DYNC2H1: variants seen among roughly 807,000 people sequenced by gnomAD.
The protein encoded by DYNC2H1 is dynein cytoplasmic 2 heavy chain 1.
A neutral mutation model predicts 570.0 loss-of-function variants in DYNC2H1; 410 were observed. The ratio of observed to expected loss-of-function variants is 0.72; its 90% CI spans 0.66 to 0.78. DYNC2H1 has a LOEUF of 0.78. Ranked by LOEUF, DYNC2H1 falls within the 30% of genes least tolerant of loss-of-function variation. The pLI is 0.00. For missense variants in DYNC2H1, 4,865 were observed against 5,046.4 expected (o/e 0.96, Z 1.09); for synonymous variants, 1,688 against 1,677.6 (o/e 1.01, Z -0.15).
intron 78 of DYNC2H1, among the ~76,000 whole-genome samples, chr11:103,309,575 C>T (rs1387573062): frequency 6.6e-6 from 1 of 151,418 alleles, no homozygotes; most frequent in Non-Finnish European, 1.5e-5. Context: ...AAAGGGTAAG[C>T]ATTAATCCAG....
At chr11:103,428,997 A>G (rs1180233747) in intron 84 of DYNC2H1, among the ~76,000 whole-genome samples, 1 of 152,114 alleles carries the variant, frequency 6.6e-6, no homozygotes, top group African/African-American at 2.4e-5. Flanking sequence ...GCAGTGGCTC[A>G]CGCCTGTAAT....
intron 71 of DYNC2H1, 166 bp from the exon 72 acceptor site, chr11:103,282,013 A>T: frequency 1.8e-6 from 1 of 543,848 alleles, no homozygotes; most frequent in South Asian, 2.7e-5. Flanking sequence ...ATGTTGTCAC[A>T]TTAATTCATT....
intron 63 of DYNC2H1, among the ~76,000 whole-genome samples, chr11:103,242,368 G>T (rs1360495273): frequency 1.3e-5 from 2 of 152,018 alleles, no homozygotes; most frequent in Admixed American, 6.6e-5. Flanking sequence ...CTTTCTGCCT[G>T]TCAGAATATC....
chr11:103,430,957 A>G (rs544701487), intron 84 of DYNC2H1, among the ~76,000 whole-genome samples: 6 of 152,220 alleles, frequency 3.9e-5, no homozygotes, highest in African/African-American at 1.2e-4. Flanking sequence ...TTCCCTTTCT[A>G]TCATAAGCTT....
intron 82 of DYNC2H1, among the ~76,000 whole-genome samples, chr11:103,339,142 G>A (rs1395872692): frequency 6.6e-6 from 1 of 152,020 alleles, no homozygotes; most frequent in Non-Finnish European, 1.5e-5. Context: ...TTCCCAGGCA[G>A]AGTCTCTTGC....
At chr11:103,389,711 A>G (rs11524453) in intron 83 of DYNC2H1, among the ~76,000 whole-genome samples, 100,606 of 150,100 alleles carry the variant, frequency 0.67, 33,858 homozygotes, top group Admixed American at 0.73. Context: ...TGTTCTCGTT[A>G]GTTTCAAAGA....
At chr11:103,141,566 T>A (rs986508300) in intron 17 of DYNC2H1, among the ~76,000 whole-genome samples, 15 of 152,140 alleles carry the variant, frequency 9.9e-5, no homozygotes, top group Admixed American at 3.3e-4. Flanking sequence ...CTCTGGAAGT[T>A]TTGTCTCAGA....
chr11:103,435,430 AT>A (rs2135752146), intron 84 of DYNC2H1, among the ~76,000 whole-genome samples: 1 of 152,138 alleles, frequency 6.6e-6, no homozygotes, highest in East Asian at 1.9e-4. Flanking sequence ...AAGGTCAAAT[AT>A]TAGATAACTT....
At chr11:103,127,069 A>G (rs1859039759) in intron 12 of DYNC2H1, among the ~76,000 whole-genome samples, 1 of 152,194 alleles carries the variant, frequency 6.6e-6, no homozygotes, top group South Asian at 2.1e-4. Context: ...CTAGGTAGGG[A>G]TAGAAGTAGT....
At chr11:103,309,281 C>T (rs542920825) in intron 78 of DYNC2H1, among the ~76,000 whole-genome samples, 4 of 145,584 alleles carry the variant, frequency 2.7e-5, no homozygotes, top group Admixed American at 2.1e-4. Flanking sequence ...CTCAAGCAAT[C>T]CTCCCACCTC....
intron 36 of DYNC2H1, among the ~76,000 whole-genome samples, chr11:103,175,480 C>G (rs184261485): frequency 6.6e-6 from 1 of 152,072 alleles, no homozygotes; most frequent in Non-Finnish European, 1.5e-5. Flanking sequence ...TTAGAGAAGT[C>G]CAGACTTTTT....
chr11:103,267,479 G>A (rs966613763), intron 70 of DYNC2H1, among the ~76,000 whole-genome samples: 14 of 151,626 alleles, frequency 9.2e-5, no homozygotes, highest in African/African-American at 3.2e-4. Context: ...GAAATTATAA[G>A]CAAATGATCT....
chr11:103,133,860 C>T lies in DYNC2H1; in HGVS notation c.2106+153C>T, dbSNP rs561334338. On this transcript the variant is annotated intron_variant, in intron 14 of 88. Coordinates refer to ENST00000375735, the MANE Select transcript of DYNC2H1 (RefSeq NM_001377.3). The surrounding 1 kb of genome is among the most constrained non-coding windows in gnomAD (Gnocchi z 4.8). ...TCACAATTCCCATTTGCCCAAATTC[C>T]CTGTTGTTAACAACTTATATAACCG... Among the ~76,000 whole-genome samples, 1 of 152,236 alleles carries T rather than the reference C, an allele frequency of 6.6e-6. No individual in the cohort carries two copies. Among genetic ancestry groups the T allele is most frequent in the African/African-American group, 2.4e-5 (1 of 41,542 alleles).
At chr11:103,473,214 TTC>T (rs1485008213) in intron 88 of DYNC2H1, among the ~76,000 whole-genome samples, 1 of 152,174 alleles carries the variant, frequency 6.6e-6, no homozygotes, top group East Asian at 1.9e-4. Context: ...TTTCTAGTAT[TTC>T]TGTTTACCAT....
At chr11:103,283,772 A>G (rs1005131908) in intron 73 of DYNC2H1, among the ~76,000 whole-genome samples, 1 of 152,086 alleles carries the variant, frequency 6.6e-6, no homozygotes, top group Admixed American at 6.5e-5. Context: ...TTCTTGTTGC[A>G]TAGTCTGGGC....
chr11:103,130,419 G>A (rs1469394843), intron 13 of DYNC2H1, among the ~76,000 whole-genome samples: 1 of 152,104 alleles, frequency 6.6e-6, no homozygotes, highest in East Asian at 1.9e-4. Context: ...TAGTTCTCAA[G>A]CTTGATAATT....
chr11:103,156,719 G>A lies in DYNC2H1; in HGVS notation c.4076G>A (p.Gly1359Glu). The A allele has an allele frequency of 6.2e-7, 1 of 1,613,330 alleles. No individual in the cohort carries two copies. Reference protein sequence around the residue: ...WVYLEPIFGRGALPKEQTRFN... With the variant: ...WVYLEPIFGREALPKEQTRFN... ...TATTTGGAACCCATTTTCGGCCGTG[G>A]AGCATTGCCAAAAGAACAGACACGC... Residue 1359 changes from glycine to glutamate, a missense_variant, in exon 26 of 89, where the codon GGA becomes GAA. By Grantham distance (98) the Gly-to-Glu change is moderately conservative. Transcript: ENST00000375735.
At chr11:103,176,706 A>T (rs914957559) in intron 37 of DYNC2H1, among the ~76,000 whole-genome samples, 10 of 151,646 alleles carry the variant, frequency 6.6e-5, no homozygotes, top group African/African-American at 1.5e-4. Flanking sequence ...GTATATATAT[A>T]TTTTATTTTT....
At chr11:103,433,893 CA>C (rs1217785489) in intron 84 of DYNC2H1, among the ~76,000 whole-genome samples, 2 of 152,040 alleles carry the variant, frequency 1.3e-5, no homozygotes, top group African/African-American at 4.8e-5. Context: ...GTAGGACAGG[CA>C]TAGGGTAACT....
Sources: gnomAD v4.1 joint callset for allele counts (sites outside exome capture counted in the v4.1 genomes callset) on GRCh38, gnomAD v4.1.1 for gene constraint, Gnocchi (gnomAD v3.1) non-coding constraint, MANE v1.5 for transcripts, NCBI Gene and HGNC (gene_info 2026-07-23, HGNC 2026-07-21) for gene names.